The following SGPP1 variants were observed in gnomAD, a reference collection of about 807,000 sequenced individuals.
SGPP1 encodes sphingosine-1-phosphate phosphatase 1.
Under a neutral mutation model 33.0 loss-of-function variants are expected in SGPP1, and 21 were observed. That is an observed-to-expected ratio of 0.64 (90% CI 0.45 to 0.92). The LOEUF is 0.92. Among genes scored for constraint, SGPP1 ranks in the 40% least tolerant of loss-of-function variants. SGPP1 has a pLI of 0.00. For synonymous variants in SGPP1, 239 were observed against 241.2 expected (o/e 0.99, Z 0.08); for missense variants, 543 against 589.4 (o/e 0.92, Z 0.81).
chr14:63,714,722 T>C (rs930827846), intron 1 of SGPP1, among the ~76,000 whole-genome samples: 3 of 150,370 alleles, frequency 2.0e-5, no homozygotes, highest in South Asian at 2.1e-4. Flanking sequence ...TGCCCAGCCT[T>C]GACCTCCTTC....
intron 2 of SGPP1, among the ~76,000 whole-genome samples, chr14:63,692,124 A>G (rs879209778): frequency 2.6e-5 from 4 of 152,242 alleles, no homozygotes; most frequent in South Asian, 2.1e-4. Context: ...TTTCCGTACT[A>G]AAAACACTGC....
chr14:63,719,152 G>T (rs572924447), intron 1 of SGPP1, among the ~76,000 whole-genome samples: 78 of 145,336 alleles, frequency 5.4e-4, no homozygotes, highest in Middle Eastern at 7.4e-3. Context: ...CTCAGCTCCC[G>T]AGTAGCTGGG....
chr14:63,720,123 T>A, intron 1 of SGPP1, among the ~76,000 whole-genome samples: 1 of 117,112 alleles, frequency 8.5e-6, no homozygotes, highest in African/African-American at 3.8e-5. Flanking sequence ...AGCCTGCATC[T>A]CACAAAAAAA....
At chr14:63,726,025 CAG>C (rs1885870379) in intron 1 of SGPP1, among the ~76,000 whole-genome samples, 1 of 152,182 alleles carries the variant, frequency 6.6e-6, no homozygotes, top group Non-Finnish European at 1.5e-5. Context: ...TTTGGTTAAA[CAG>C]AAAAAAACTT....
chr14:63,715,187 G>A (rs1040385151), intron 1 of SGPP1, among the ~76,000 whole-genome samples: 1 of 151,688 alleles, frequency 6.6e-6, no homozygotes. Context: ...CTAATTGTTT[G>A]TATTTTTAGT....
intron 1 of SGPP1, 27 bp downstream of exon 1, chr14:63,727,234 G>A (rs191796867): frequency 1.7e-4 from 264 of 1,580,152 alleles, no homozygotes; most frequent in Non-Finnish European, 2.1e-4. Context: ...ACTCCCCCAG[G>A]CTGAACAGGA....
At chr14:63,724,881 T>TAA (rs60279403) in intron 1 of SGPP1, among the ~76,000 whole-genome samples, 4 of 123,892 alleles carry the variant, frequency 3.2e-5, no homozygotes, top group African/African-American at 9.0e-5. Context: ...GACTCCGTCT[T>TAA]AAAAAAAAAA....
intron 1 of SGPP1, among the ~76,000 whole-genome samples, chr14:63,706,720 A>C (rs1318759805): frequency 6.6e-6 from 1 of 152,166 alleles, no homozygotes; most frequent in Non-Finnish European, 1.5e-5. Flanking sequence ...TAGTTCTAAG[A>C]GCAACTGTGA....
intron 2 of SGPP1, 67 bp from the exon 3 acceptor site, chr14:63,686,723 TTATA>T (rs1884988172): frequency 1.1e-5 from 13 of 1,148,004 alleles, no homozygotes; most frequent in Non-Finnish European, 1.6e-5. Flanking sequence ...AAAAAATAAT[TTATA>T]TTTGACATTT....
chr14:63,698,235 T>G (rs1384471682), intron 2 of SGPP1, among the ~76,000 whole-genome samples: 1 of 152,212 alleles, frequency 6.6e-6, no homozygotes, highest in Non-Finnish European at 1.5e-5. Context: ...TCTCCTTGGT[T>G]TCTGTAGCCA....
intron 1 of SGPP1, among the ~76,000 whole-genome samples, chr14:63,707,261 C>A (rs1270531219): frequency 1.3e-5 from 2 of 151,874 alleles, no homozygotes; most frequent in African/African-American, 2.4e-5. Context: ...TATTTTATAT[C>A]AAAAACCACA....
Position 63,727,707 on chromosome 14 carries a change from G to C in SGPP1, c.238C>G (p.Pro80Ala), listed in dbSNP as rs1265379919. 64 of 1,354,596 alleles carry C rather than the reference G, an allele frequency of 4.7e-5. No individual in the cohort carries two copies. The highest frequency in any genetic ancestry group is 5.1e-4 in the Middle Eastern group (2 of 3,958). 83.9% of individuals were successfully genotyped at this position (1,354,596 alleles called of 1,614,324 possible). A position where few individuals can be genotyped will look rare whatever the true frequency, so the allele number is the denominator to read the frequency against. Residue 80 changes from proline (P) to alanine (A), a missense_variant, in exon 1 of 3, where the codon CCG (proline) becomes GCG (alanine). Physicochemically the swap from Pro to Ala is conservative, Grantham distance 27. Transcript: ENST00000247225. ...CCGTTGGGGGCGCCGCCGCCGTCCG[G>C]CTTGGCCGGGCACTGATTGCGGTCG... is the stretch of plus-strand genomic sequence containing the variant. ...GSDRNQCPAK[P>A]DGGGAPNGVR...
intron 1 of SGPP1, among the ~76,000 whole-genome samples, chr14:63,721,159 A>T (rs984612681): frequency 2.0e-5 from 3 of 152,230 alleles, no homozygotes; most frequent in Non-Finnish European, 4.4e-5. Flanking sequence ...CTGGGATTAC[A>T]GGCGTGAGCC....
intron 1 of SGPP1, among the ~76,000 whole-genome samples, chr14:63,700,109 G>C (rs925150630): frequency 6.6e-6 from 1 of 151,016 alleles, no homozygotes; most frequent in Non-Finnish European, 1.5e-5. Flanking sequence ...ACTACAGATG[G>C]GTATCTCAAA....
Position 63,727,463 on chromosome 14 carries a change from C to T in SGPP1, c.482G>A (p.Arg161Gln). The T allele has an allele frequency of 1.9e-6, 3 of 1,614,162 alleles. No individual in the cohort carries two copies. The highest frequency in any genetic ancestry group is 2.5e-6 in the Non-Finnish European group (3 of 1,180,026). Residue 161 changes from arginine to glutamine, a missense_variant, in exon 1 of 3, where the codon CGG (arginine) becomes CAG (glutamine). Transcript: ENST00000247225. ...CAGCACCCAGATGACCACGAGCCTCCGGCCCACCAGAGGGTCCAGGTTCCA... is the reference window on the plus strand; with the variant it reads ...CAGCACCCAGATGACCACGAGCCTCTGGCCCACCAGAGGGTCCAGGTTCCA... ...WIWNLDPLVGRRLVVIWVLVM... is the reference protein window; with the variant it reads ...WIWNLDPLVGQRLVVIWVLVM...
chr14:63,688,869 C>T (rs182923405), intron 2 of SGPP1, among the ~76,000 whole-genome samples: 63 of 152,052 alleles, frequency 4.1e-4, no homozygotes, highest in African/African-American at 1.4e-3. Context: ...CTACAGGCGC[C>T]CGCCACCATG....
At chr14:63,702,119 C>A (rs7156468) in intron 1 of SGPP1, among the ~76,000 whole-genome samples, 16,438 of 151,882 alleles carry the variant, frequency 0.11, 2,064 homozygotes, top group African/African-American at 0.31. Flanking sequence ...GAAGGTAGGA[C>A]GGGGAAGGGT....
chr14:63,702,683 C>A (rs1463149027), intron 1 of SGPP1, among the ~76,000 whole-genome samples: 1 of 152,010 alleles, frequency 6.6e-6, no homozygotes, highest in Non-Finnish European at 1.5e-5. Flanking sequence ...GCACTACAGC[C>A]TGGGTGAAGA....
At chr14:63,694,833 T>C (rs191503699) in intron 2 of SGPP1, among the ~76,000 whole-genome samples, 264 of 152,302 alleles carry the variant, frequency 1.7e-3, no homozygotes, top group African/African-American at 6.1e-3. Flanking sequence ...ATAACTCTTA[T>C]ACCCCAAAAT....
Sources: allele counts gnomAD v4.1 joint callset (sites outside exome capture counted in the v4.1 genomes callset), GRCh38; gene constraint gnomAD v4.1.1; transcripts MANE v1.5; gene names NCBI Gene and HGNC (gene_info 2026-07-23, HGNC 2026-07-21).